Variants in MNAT1 observed in about 807,000 individuals in gnomAD.
MNAT1 encodes MNAT1 component of CDK activating kinase.
A neutral mutation model predicts 42.0 loss-of-function variants in MNAT1; 43 were observed. The ratio of observed to expected loss-of-function variants is 1.02; its 90% CI spans 0.80 to 1.32. The LOEUF (loss-of-function observed/expected upper bound fraction) is 1.32, where lower values mean the gene tolerates loss of function less well. MNAT1 is among the 40% of genes most tolerant of loss of function. The probability of loss-of-function intolerance (pLI) is 0.00; values close to 1 mark genes in which losing one functional copy is unlikely to be tolerated. For missense variants in MNAT1, 306 were observed against 350.4 expected (o/e 0.87, Z 1.01); for synonymous variants, 118 against 120.0 (o/e 0.98, Z 0.11).
At chr14:60,940,756 A>ATGG (rs1356122423) in intron 7 of MNAT1, among the ~76,000 whole-genome samples, 1 of 152,122 alleles carries the variant, frequency 6.6e-6, no homozygotes, top group Non-Finnish European at 1.5e-5. Context: ...TCTGAATTCA[A>ATGG]TGGCTTAATA....
At chr14:60,761,507 G>C (rs1299845334) in intron 1 of MNAT1, among the ~76,000 whole-genome samples, 4 of 152,156 alleles carry the variant, frequency 2.6e-5, no homozygotes, top group Non-Finnish European at 5.9e-5. Flanking sequence ...TTTTCAAATT[G>C]TTTATTTTTC....
rs535657190 is a variant in MNAT1, at chr14:60,811,821, A to G, written c.421-166A>G. Among the ~76,000 whole-genome samples the G allele has an allele frequency of 2.3e-4, 35 of 152,338 alleles. No homozygotes were observed. The Middle Eastern group carries it at 0.014, about 59-fold the overall frequency. ...TTTTATTTAATAGTAACGTGTCTAC[A>G]TGAAATAAAGTAAATTCTATTTTCT... On this transcript the variant is annotated intron_variant, in intron 4 of 7. Coordinates refer to ENST00000261245, the MANE Select transcript of MNAT1 (RefSeq NM_002431.4).
chr14:60,874,477 C>T (rs892635976), intron 6 of MNAT1, among the ~76,000 whole-genome samples: 5 of 151,402 alleles, frequency 3.3e-5, no homozygotes, highest in African/African-American at 1.2e-4. Flanking sequence ...TTTATTGATT[C>T]TTCCTCTCAA....
chr14:60,870,123 C>G (rs775854240), intron 6 of MNAT1, among the ~76,000 whole-genome samples: 1 of 152,056 alleles, frequency 6.6e-6, no homozygotes, highest in Non-Finnish European at 1.5e-5. Flanking sequence ...ATTGTTCTTC[C>G]AATGTTCCTA....
chr14:60,743,008 A>T (rs756187099), intron 1 of MNAT1, among the ~76,000 whole-genome samples: 8 of 152,164 alleles, frequency 5.3e-5, no homozygotes, highest in Non-Finnish European at 8.8e-5. Flanking sequence ...TCATGTATAT[A>T]TTTAGGAGTA....
chr14:60,788,840 G>A (rs1333707167), intron 1 of MNAT1, among the ~76,000 whole-genome samples: 1 of 152,156 alleles, frequency 6.6e-6, no homozygotes, highest in East Asian at 1.9e-4. Context: ...TTGGTTTAAG[G>A]GAATGTTGTG....
intron 7 of MNAT1, among the ~76,000 whole-genome samples, chr14:60,900,135 A>G (rs981337252): frequency 4.0e-5 from 6 of 151,392 alleles, no homozygotes; most frequent in Admixed American, 3.3e-4. Flanking sequence ...AATTAGGCCA[A>G]TTAATAACCC....
intron 7 of MNAT1, among the ~76,000 whole-genome samples, chr14:60,929,743 TTTG>T (rs1017293921): frequency 5.9e-5 from 9 of 152,258 alleles, no homozygotes; most frequent in African/African-American, 1.7e-4. Context: ...GACAGAAGTG[TTTG>T]TTAACTCTGA....
chr14:60,938,420 A>T (rs1408251669), intron 7 of MNAT1, among the ~76,000 whole-genome samples: 1 of 152,120 alleles, frequency 6.6e-6, no homozygotes, highest in Non-Finnish European at 1.5e-5. Context: ...TAATTTATTG[A>T]GAGTTTTTAG....
intron 1 of MNAT1, among the ~76,000 whole-genome samples, chr14:60,791,257 C>A (rs554076637): frequency 2.0e-4 from 30 of 152,190 alleles, no homozygotes; most frequent in African/African-American, 6.5e-4. Context: ...ATTTTGAGTT[C>A]TAAGATAATG....
At chr14:60,879,860 T>C (rs1276343463) in intron 7 of MNAT1, 25 bp downstream of exon 7, 8 of 1,604,276 alleles carry the variant, frequency 5.0e-6, no homozygotes, top group Non-Finnish European at 6.8e-6. Context: ...GAACTTTACA[T>C]TGAGGAGCTG....
intron 6 of MNAT1, among the ~76,000 whole-genome samples, chr14:60,854,775 G>C (rs571825393): frequency 4.5e-4 from 68 of 152,304 alleles, no homozygotes; most frequent in Non-Finnish European, 8.7e-4. Context: ...GGAGGCACGG[G>C]GGTCAGGGAC....
Position 60,818,712 on chromosome 14 carries a change from A to G in MNAT1, c.562-10A>G, listed in dbSNP as rs370388952. On this transcript the variant is annotated splice_polypyrimidine_tract_variant and intron_variant, in intron 5 of 7. Coordinates refer to ENST00000261245, the MANE Select transcript of MNAT1 (RefSeq NM_002431.4). The stretch of plus-strand genomic sequence containing the variant: ...TTACATTTCTTATTGAACTTGAACT[A>G]TTCTTACAGGAGAGTTCTGATCTCC... 5.1e-6 allele frequency: 8 copies of G among 1,579,168 alleles called. No individual in the cohort carries two copies. The African/African-American group carries it at 5.4e-5, about 11-fold the overall frequency.
intron 7 of MNAT1, among the ~76,000 whole-genome samples, chr14:60,898,133 G>C (rs1343502088): frequency 1.3e-5 from 1 of 79,522 alleles, no homozygotes; most frequent in Non-Finnish European, 2.4e-5. Flanking sequence ...GTGTGTGTGT[G>C]TGTGTGTGCG....
At chr14:60,831,887 G>C (rs527388861) in intron 6 of MNAT1, among the ~76,000 whole-genome samples, 1 of 152,234 alleles carries the variant, frequency 6.6e-6, no homozygotes, top group South Asian at 2.1e-4. Context: ...GCATGAGATG[G>C]TATCTCATTG....
At chr14:60,954,414 G>C (rs11158314) in intron 7 of MNAT1, among the ~76,000 whole-genome samples, 87,245 of 151,958 alleles carry the variant, frequency 0.57, 27,133 homozygotes, top group Non-Finnish European at 0.7. Flanking sequence ...GAGTTTTATA[G>C]TTTTCAGTGT....
Position 60,812,070 on chromosome 14 carries a change from A to C in MNAT1, c.504A>C (p.Glu168Asp). The C allele has an allele frequency of 4.4e-6, 7 of 1,603,650 alleles. No homozygotes were observed. The highest frequency in any genetic ancestry group is 6.0e-6 in the Non-Finnish European group (7 of 1,176,000). Residue 168 changes from glutamate (E) to aspartate (D), a missense_variant, in exon 5 of 8, where the codon GAA (glutamate) becomes GAC (aspartate). By Grantham distance (45) the Glu-to-Asp change is conservative. Transcript: ENST00000261245. ...AAAGAAGATTATTTATACAAAAAGAAGAACAACTGCAGCAGATTCTAAAAA... is the reference window on the plus strand; with the variant it reads ...AAAGAAGATTATTTATACAAAAAGACGAACAACTGCAGCAGATTCTAAAAA... The part of the protein sequence containing the change: ...NEQRRLFIQK[E>D]EQLQQILKRK...
chr14:60,796,408 G>A (rs752329873), intron 2 of MNAT1, 39 bp downstream of exon 2: 3 of 1,571,758 alleles, frequency 1.9e-6, no homozygotes, highest in Middle Eastern at 1.7e-4. Context: ...CAACAAAGAG[G>A]ACTTTAACAA....
intron 6 of MNAT1, among the ~76,000 whole-genome samples, chr14:60,863,974 G>T (rs954029551): frequency 2.0e-4 from 31 of 151,942 alleles, no homozygotes; most frequent in African/African-American, 7.5e-4. Context: ...AGGATATGCA[G>T]TTTAACATTC....
Sources: gnomAD v4.1 joint callset for allele counts (sites outside exome capture counted in the v4.1 genomes callset) on GRCh38, gnomAD v4.1.1 for gene constraint, MANE v1.5 for transcripts, NCBI Gene and HGNC (gene_info 2026-07-23, HGNC 2026-07-21) for gene names.